Variants in IMMP2L observed in about 807,000 individuals in gnomAD.
IMMP2L encodes mitochondrial inner membrane protease subunit 2.
A neutral mutation model predicts 19.3 loss-of-function variants in IMMP2L; 18 were observed. That is an observed-to-expected ratio of 0.93 (90% CI 0.64 to 1.38). The LOEUF (loss-of-function observed/expected upper bound fraction) is 1.38. Among genes scored for constraint, IMMP2L ranks in the 40% most tolerant of loss-of-function variants. The pLI is 0.00. For missense variants in IMMP2L, 233 were observed against 218.2 expected, an observed-to-expected ratio of 1.07 and a Z score of -0.43; for synonymous variants, 76 against 73.0, an observed-to-expected ratio of 1.04 and a Z score of -0.21.
At chr7:111,229,069 C>T (rs1462232064) in intron 3 of IMMP2L, among the ~76,000 whole-genome samples, 2 of 151,236 alleles carry the variant, frequency 1.3e-5, no homozygotes, top group African/African-American at 4.9e-5. Context: ...TCATACTCAA[C>T]CCGGATTTTA....
At chr7:111,525,265 G>C (rs1219983760) in intron 1 of IMMP2L, among the ~76,000 whole-genome samples, 1 of 152,090 alleles carries the variant, frequency 6.6e-6, no homozygotes, top group Non-Finnish European at 1.5e-5. Context: ...CCCTGGGTCA[G>C]GAGTGGCCAT....
At chr7:111,044,292 G>A (rs1313904651) in intron 3 of IMMP2L, among the ~76,000 whole-genome samples, 1 of 152,202 alleles carries the variant, frequency 6.6e-6, no homozygotes, top group Non-Finnish European at 1.5e-5. Flanking sequence ...GAGCATGGTG[G>A]CTCATGCCTG....
intron 5 of IMMP2L, among the ~76,000 whole-genome samples, chr7:110,834,751 A>G (rs1804281800): frequency 6.6e-6 from 1 of 152,184 alleles, no homozygotes; most frequent in Non-Finnish European, 1.5e-5. Flanking sequence ...TTGGGAGCTG[A>G]CTTTTCTACA....
chr7:111,210,982 G>A (rs1177220967), intron 3 of IMMP2L, among the ~76,000 whole-genome samples: 1 of 152,066 alleles, frequency 6.6e-6, no homozygotes, highest in Non-Finnish European at 1.5e-5. Flanking sequence ...TTTAATTTAA[G>A]CAAAAATGTT....
intron 5 of IMMP2L, among the ~76,000 whole-genome samples, chr7:110,680,901 C>T (rs988961673): frequency 1.3e-5 from 2 of 152,084 alleles, no homozygotes; most frequent in African/African-American, 2.4e-5. Flanking sequence ...AAACACCAAT[C>T]GCCATCCTCC....
intron 3 of IMMP2L, among the ~76,000 whole-genome samples, chr7:111,286,348 T>C (rs1183383251): frequency 1.3e-5 from 2 of 152,082 alleles, no homozygotes; most frequent in Non-Finnish European, 2.9e-5. Flanking sequence ...ATATGGACCA[T>C]CTCCTTAAGC....
At chr7:111,202,640 T>TA (rs1810269572) in intron 3 of IMMP2L, among the ~76,000 whole-genome samples, 1 of 152,180 alleles carries the variant, frequency 6.6e-6, no homozygotes, top group Non-Finnish European at 1.5e-5. Flanking sequence ...AAAACAGTGC[T>TA]AAAATATAAC....
In IMMP2L at chr7:111,558,443, C is replaced by T. The variant is rs143337367; in HGVS notation, c.-3+3408G>A. On this transcript the variant is annotated intron_variant, in intron 1 of 5. Coordinates refer to ENST00000405709, the MANE Select transcript of IMMP2L (RefSeq NM_032549.4). ...AACTATTTACTGAGAATTTATTTTA[C>T]GGCAGATTCTGTGCCACATTACACT... Among the ~76,000 whole-genome samples the T allele has an allele frequency of 4.3e-4, 66 of 152,304 alleles. 1 individual carries two copies. Among genetic ancestry groups the T allele is most frequent in the Non-Finnish European group, 5.3e-4 (36 of 68,006 alleles).
intron 5 of IMMP2L, among the ~76,000 whole-genome samples, chr7:110,695,730 C>G (rs1436606330): frequency 6.6e-6 from 1 of 152,042 alleles, no homozygotes; most frequent in Non-Finnish European, 1.5e-5. Context: ...CTTCCTGAGA[C>G]TAATAGTGTA....
intron 1 of IMMP2L, among the ~76,000 whole-genome samples, chr7:111,531,856 A>G (rs192665020): frequency 1.2e-3 from 190 of 152,288 alleles, no homozygotes; most frequent in Non-Finnish European, 2.4e-3. Flanking sequence ...TGAAGTAATA[A>G]TACAGTGGGT....
intron 5 of IMMP2L, among the ~76,000 whole-genome samples, chr7:110,678,034 G>T (rs1792442646): frequency 6.6e-6 from 1 of 152,104 alleles, no homozygotes; most frequent in Admixed American, 6.6e-5. Context: ...AAGAGTAATG[G>T]CCCTTGCACC....
chr7:111,252,797 C>G (rs1317057467), intron 3 of IMMP2L, among the ~76,000 whole-genome samples: 2 of 151,860 alleles, frequency 1.3e-5, no homozygotes, highest in African/African-American at 4.8e-5. Flanking sequence ...TTTCAAGACC[C>G]AAACATTAGA....
intron 3 of IMMP2L, among the ~76,000 whole-genome samples, chr7:111,258,145 A>C (rs1816930831): frequency 6.6e-6 from 1 of 152,068 alleles, no homozygotes; most frequent in African/African-American, 2.4e-5. Flanking sequence ...TAATAAAGAA[A>C]CTCTTGAAAC....
intron 3 of IMMP2L, among the ~76,000 whole-genome samples, chr7:111,409,531 T>C (rs1834203732): frequency 6.6e-6 from 1 of 151,772 alleles, no homozygotes; most frequent in Non-Finnish European, 1.5e-5. Flanking sequence ...AAAATTAAAT[T>C]ACCTAAAGGG....
intron 5 of IMMP2L, among the ~76,000 whole-genome samples, chr7:110,673,599 T>C (rs1438101344): frequency 2.0e-5 from 3 of 152,186 alleles, no homozygotes; most frequent in African/African-American, 7.2e-5. Context: ...GCTTAGAAAT[T>C]TCTTCCGGCA....
chr7:111,179,527 T>G (rs11981225), intron 3 of IMMP2L, among the ~76,000 whole-genome samples: 1 of 151,996 alleles, frequency 6.6e-6, no homozygotes, highest in Non-Finnish European at 1.5e-5. Flanking sequence ...CCAGACTCTG[T>G]TGTTCCCTTT....
At chr7:111,426,703 T>C (rs1219230145) in intron 3 of IMMP2L, among the ~76,000 whole-genome samples, 3 of 151,330 alleles carry the variant, frequency 2.0e-5, no homozygotes, top group Non-Finnish European at 3.0e-5. Flanking sequence ...TTTGCCTTTC[T>C]AAGCAACCTA....
chr7:111,242,908 C>T (rs1195713004), intron 3 of IMMP2L, among the ~76,000 whole-genome samples: 1 of 151,958 alleles, frequency 6.6e-6, no homozygotes, highest in Non-Finnish European at 1.5e-5. Flanking sequence ...CAATTATTGT[C>T]CAATTGTTCT....
chr7:110,949,211 T>C (rs982956525), intron 4 of IMMP2L, among the ~76,000 whole-genome samples: 1 of 152,190 alleles, frequency 6.6e-6, no homozygotes, highest in Non-Finnish European at 1.5e-5. Context: ...CTGTACATCA[T>C]ATATATGTAT....
Sources: allele counts gnomAD v4.1 joint callset (sites outside exome capture counted in the v4.1 genomes callset), GRCh38; gene constraint gnomAD v4.1.1; transcripts MANE v1.5; gene names NCBI Gene and HGNC (gene_info 2026-07-23, HGNC 2026-07-21).